CCSER1: variants seen among roughly 807,000 people sequenced by gnomAD.
CCSER1 encodes coiled-coil serine rich protein 1.
A neutral mutation model predicts 82.0 loss-of-function variants in CCSER1; 41 were observed. That is an observed-to-expected ratio of 0.50 (90% CI 0.39 to 0.65). The LOEUF is 0.65. CCSER1 is among the 30% of genes least tolerant of loss of function. The pLI is 0.00. For missense variants in CCSER1, 1,119 were observed against 1,064.2 expected (o/e 1.05, Z -0.72); for synonymous variants, 414 against 383.9 (o/e 1.08, Z -0.92).
At chr4:91,349,049 C>T (rs779603816) in intron 10 of CCSER1, among the ~76,000 whole-genome samples, 1 of 152,102 alleles carries the variant, frequency 6.6e-6, no homozygotes, top group Non-Finnish European at 1.5e-5. Context: ...GGTGGGACTA[C>T]AGGCACCGCC....
chr4:91,276,304 T>A (rs954394773), intron 10 of CCSER1, among the ~76,000 whole-genome samples: 8 of 151,122 alleles, frequency 5.3e-5, no homozygotes, highest in African/African-American at 1.9e-4. Flanking sequence ...TTTTTTTTTT[T>A]TTTTTTTGTC....
At chr4:90,796,751 A>T (rs895562459) in intron 7 of CCSER1, among the ~76,000 whole-genome samples, 3 of 152,198 alleles carry the variant, frequency 2.0e-5, no homozygotes, top group Non-Finnish European at 4.4e-5. Flanking sequence ...CCAAAAAGTC[A>T]TTCAGGAGAA....
At chr4:90,717,342 C>CT (rs1472023663) in intron 6 of CCSER1, among the ~76,000 whole-genome samples, 1 of 151,968 alleles carries the variant, frequency 6.6e-6, no homozygotes, top group Admixed American at 6.6e-5. Flanking sequence ...GCTATAAACT[C>CT]TAAGAATATA....
intron 5 of CCSER1, among the ~76,000 whole-genome samples, chr4:90,513,125 G>A (rs1022662935): frequency 5.9e-5 from 9 of 152,096 alleles, no homozygotes; most frequent in Non-Finnish European, 1.2e-4. Context: ...AGGTTAAAGG[G>A]CATGAATGTA....
At position 90,303,890 on chromosome 4, in the gene CCSER1, G is replaced by A. The variant is rs961391311; in HGVS notation, c.-41-4354G>A. Among the ~76,000 whole-genome samples, 36 of 151,344 alleles carry A rather than the reference G, an allele frequency of 2.4e-4. 1 individual carries two copies. The South Asian group carries it at 5.2e-3, about 22-fold the overall frequency. ...ACCTACAAAATGGGAGAAAATTTTCGCAACCTACTCATCTGACAAAGGGCT... is the reference window on the plus strand; with the variant it reads ...ACCTACAAAATGGGAGAAAATTTTCACAACCTACTCATCTGACAAAGGGCT... On this transcript the variant is annotated intron_variant, in intron 1 of 10. Coordinates refer to ENST00000509176, the MANE Select transcript of CCSER1 (RefSeq NM_001145065.2).
At chr4:90,901,854 G>A (rs1194635919) in intron 8 of CCSER1, among the ~76,000 whole-genome samples, 1 of 151,918 alleles carries the variant, frequency 6.6e-6, no homozygotes, top group Non-Finnish European at 1.5e-5. Flanking sequence ...AAAGGTTAGG[G>A]AAATTTTCCT....
At chr4:90,838,915 T>C in intron 8 of CCSER1, 1 of 1,613,436 alleles carries the variant, frequency 6.2e-7, no homozygotes, top group Non-Finnish European at 8.5e-7. Context: ...ACGATTCGCC[T>C]GCTTGCTTCT....
chr4:91,419,505 G>A (rs1281497402), intron 10 of CCSER1, among the ~76,000 whole-genome samples: 2 of 152,022 alleles, frequency 1.3e-5, no homozygotes, highest in Admixed American at 6.6e-5. Flanking sequence ...ATTTGAAGGA[G>A]ACAAAACATC....
intron 10 of CCSER1, among the ~76,000 whole-genome samples, chr4:91,459,145 T>A (rs78590942): frequency 6.6e-5 from 10 of 151,940 alleles, no homozygotes; most frequent in East Asian, 5.8e-4. Flanking sequence ...AGTCTTTTTT[T>A]AAAAACAGAA....
In CCSER1 at chr4:90,308,685, A is replaced by T; in HGVS notation, c.401A>T (p.Asp134Val). 6.2e-7 allele frequency: 1 copy of T among 1,613,536 alleles called. No individual in the cohort carries two copies. Among genetic ancestry groups the T allele is most frequent in the Non-Finnish European group, 8.5e-7 (1 of 1,179,752 alleles). ...NKKITRSLTE[D>V]FEREKEHSTN... ...AAGATAACAAGATCTTTGACAGAGG[A>T]TTTTGAAAGGGAAAAAGAGCACTCA... The change falls in exon 2 of 11, where the codon GAT (aspartate) becomes GTT (valine). Residue 134 changes from aspartate to valine, a missense_variant. Asp to Val is a radical substitution (Grantham distance 152, BLOSUM62 -3). Coordinates refer to ENST00000509176, the MANE Select transcript of CCSER1 (RefSeq NM_001145065.2).
intron 10 of CCSER1, among the ~76,000 whole-genome samples, chr4:91,406,717 T>G (rs1328762955): frequency 6.6e-6 from 1 of 152,222 alleles, no homozygotes; most frequent in African/African-American, 2.4e-5. Context: ...TGATAATATC[T>G]TCATGACTGT....
intron 7 of CCSER1, among the ~76,000 whole-genome samples, chr4:90,738,732 C>T (rs538962420): frequency 6.6e-6 from 1 of 152,148 alleles, no homozygotes; most frequent in Admixed American, 6.5e-5. Flanking sequence ...CTGAGTTTCT[C>T]TCTCCCTGTA....
At chr4:91,157,223 G>T (rs1230193221) in intron 10 of CCSER1, among the ~76,000 whole-genome samples, 2 of 151,868 alleles carry the variant, frequency 1.3e-5, no homozygotes, top group Non-Finnish European at 1.5e-5. Context: ...TTATGTTGTT[G>T]TTATTCGAAA....
chr4:90,661,207 G>A (rs566989072), intron 6 of CCSER1, among the ~76,000 whole-genome samples: 4 of 152,248 alleles, frequency 2.6e-5, no homozygotes, highest in South Asian at 4.1e-4. Context: ...CTGTATTGAG[G>A]TTGGTTTTTA....
intron 8 of CCSER1, among the ~76,000 whole-genome samples, chr4:90,865,745 C>G (rs2150007013): frequency 6.6e-6 from 1 of 152,134 alleles, no homozygotes; most frequent in South Asian, 2.1e-4. Context: ...ACTTTATCTT[C>G]TCAATTTTTT....
intron 6 of CCSER1, among the ~76,000 whole-genome samples, chr4:90,689,240 A>G (rs1007581312): frequency 3.3e-5 from 5 of 152,118 alleles, no homozygotes; most frequent in African/African-American, 1.2e-4. Context: ...GAGGGGAAGC[A>G]GGATTCATCC....
At position 91,144,459 on chromosome 4, in the gene CCSER1, T is replaced by C. The variant is rs564676655; in HGVS notation, c.2217+58465T>C. ...TATGAATTTTTGGGTCTCAATTTCG[T>C]TTAGTTCTATTTGGATTTTAGTTAT... On this transcript the variant is annotated intron_variant, in intron 10 of 10. Transcript: ENST00000509176. Among the ~76,000 whole-genome samples the C allele has an allele frequency of 6.6e-5, 10 of 152,114 alleles. No individual in the cohort carries two copies. The South Asian group carries it at 1.2e-3, about 19-fold the overall frequency.
At chr4:90,664,793 G>C (rs543946946) in intron 6 of CCSER1, among the ~76,000 whole-genome samples, 3 of 152,204 alleles carry the variant, frequency 2.0e-5, no homozygotes, top group East Asian at 1.9e-4. Flanking sequence ...CCAGTGACTC[G>C]GGAGGCTGAG....
rs528074492 is a variant in CCSER1, at chr4:91,135,251, G to T, written c.2217+49257G>T. Among the ~76,000 whole-genome samples the T allele has an allele frequency of 2.6e-5, 4 of 152,136 alleles. No homozygotes were observed. In the South Asian group the frequency reaches 8.3e-4, roughly 32 times the overall value. On this transcript the variant is annotated intron_variant, in intron 10 of 10. Coordinates refer to ENST00000509176, the MANE Select transcript of CCSER1 (RefSeq NM_001145065.2). ...TAAAACTAATTGTAAAGAAATATTAGATAAATCTAAACTGAAGGGCATTCT... is the reference window on the plus strand; with the variant it reads ...TAAAACTAATTGTAAAGAAATATTATATAAATCTAAACTGAAGGGCATTCT...
Sources: allele counts gnomAD v4.1 joint callset (sites outside exome capture counted in the v4.1 genomes callset), GRCh38; gene constraint gnomAD v4.1.1; transcripts MANE v1.5; gene names NCBI Gene and HGNC (gene_info 2026-07-23, HGNC 2026-07-21).